The following ZBTB20 variants were observed in gnomAD, a reference collection of about 807,000 sequenced individuals.
The protein encoded by ZBTB20 is zinc finger and BTB domain containing 20, also known as zinc finger and BTB domain-containing protein 20.
Under a neutral mutation model 56.9 loss-of-function variants are expected in ZBTB20, and 9 were observed. That is an observed-to-expected ratio of 0.16 (90% confidence interval 0.10 to 0.28). The LOEUF is 0.28. Ranked by LOEUF, ZBTB20 falls within the 10% of genes least tolerant of loss-of-function variation. The probability of loss-of-function intolerance (pLI) is 1.00; values close to 1 mark genes in which losing one functional copy is unlikely to be tolerated. For missense variants in ZBTB20, 655 were observed against 1,003.0 expected (o/e 0.65, Z 4.69); for synonymous variants, 417 against 420.7 (o/e 0.99, Z 0.11).
intron 6 of ZBTB20, among the ~76,000 whole-genome samples, chr3:114,678,812 C>T (rs2061790680): frequency 1.3e-5 from 2 of 152,094 alleles, no homozygotes; most frequent in African/African-American, 4.8e-5. Context: ...CATTTCTAGT[C>T]CATCTATTAT....
At chr3:114,508,422 T>C (rs199970079) in intron 6 of ZBTB20, among the ~76,000 whole-genome samples, 3 of 152,140 alleles carry the variant, frequency 2.0e-5, no homozygotes, top group South Asian at 2.1e-4. Context: ...TTTTCTTAAA[T>C]AGAAGATGAG....
At chr3:114,792,385 T>C (rs1041464440) in intron 5 of ZBTB20, among the ~76,000 whole-genome samples, 6 of 152,168 alleles carry the variant, frequency 3.9e-5, no homozygotes, top group African/African-American at 7.2e-5. Context: ...AAGATATTTT[T>C]TAACTGCCTT....
At chr3:114,898,580 T>C (rs938549422) in intron 4 of ZBTB20, among the ~76,000 whole-genome samples, 1 of 152,072 alleles carries the variant, frequency 6.6e-6, no homozygotes, top group Non-Finnish European at 1.5e-5. Context: ...CTAATACAAC[T>C]CCAGAAATGT....
chr3:114,732,532 T>C (rs2065836485), intron 5 of ZBTB20, among the ~76,000 whole-genome samples: 2 of 152,190 alleles, frequency 1.3e-5, no homozygotes, highest in Admixed American at 1.3e-4. Context: ...GGGCTCTGCA[T>C]GGCTTTTCTA....
chr3:115,087,069 G>A (rs2083012761), intron 1 of ZBTB20, among the ~76,000 whole-genome samples: 1 of 151,738 alleles, frequency 6.6e-6, no homozygotes, highest in Non-Finnish European at 1.5e-5. Context: ...GAGGCTAACT[G>A]GGACAGTTAT....
chr3:114,808,228 ATTGCTAACAATTGTCCAG>A (rs1292131119), intron 4 of ZBTB20, among the ~76,000 whole-genome samples: 9 of 152,042 alleles, frequency 5.9e-5, no homozygotes, highest in Admixed American at 3.9e-4. Context: ...TATCCAGCTA[ATTGCTAACAATTGTCCAG>A]TTGCTAACAA....
At chr3:114,683,764 T>C (rs1218001554) in intron 6 of ZBTB20, among the ~76,000 whole-genome samples, 2 of 152,006 alleles carry the variant, frequency 1.3e-5, no homozygotes, top group East Asian at 3.9e-4. Context: ...GAAAAGGTCC[T>C]GGGGCAGAAG....
At chr3:114,667,378 T>C (rs966896360) in intron 6 of ZBTB20, among the ~76,000 whole-genome samples, 3 of 152,056 alleles carry the variant, frequency 2.0e-5, no homozygotes, top group African/African-American at 7.2e-5. Context: ...CAACTTATTC[T>C]GATATGAACC....
At chr3:114,381,334 T>G (rs2084316989) in intron 8 of ZBTB20, among the ~76,000 whole-genome samples, 1 of 152,152 alleles carries the variant, frequency 6.6e-6, no homozygotes, top group Admixed American at 6.5e-5. Flanking sequence ...AGAAAGTAAT[T>G]GTTACTAATT....
intron 2 of ZBTB20, among the ~76,000 whole-genome samples, chr3:115,066,161 T>G (rs1255102427): frequency 1.3e-5 from 2 of 152,110 alleles, no homozygotes; most frequent in Non-Finnish European, 2.9e-5. Flanking sequence ...GCAAGGTAAA[T>G]CTGTGTTTGA....
At chr3:115,104,694 T>G (rs1159462851) in intron 1 of ZBTB20, among the ~76,000 whole-genome samples, 2 of 152,158 alleles carry the variant, frequency 1.3e-5, no homozygotes, top group Non-Finnish European at 2.9e-5. Flanking sequence ...ACTCATTGTT[T>G]GCAAGAGTTT....
chr3:114,756,817 T>C (rs1173102202), intron 5 of ZBTB20, among the ~76,000 whole-genome samples: 2 of 152,162 alleles, frequency 1.3e-5, no homozygotes, highest in Admixed American at 6.6e-5. Flanking sequence ...ATTATATTCA[T>C]ATTGATATGT....
intron 3 of ZBTB20, among the ~76,000 whole-genome samples, chr3:114,916,638 C>A (rs2075756702): frequency 6.6e-6 from 1 of 152,094 alleles, no homozygotes; most frequent in Non-Finnish European, 1.5e-5. Context: ...ATTTCTCCCT[C>A]ATGTTTGAAG....
chr3:115,017,774 T>C (rs927206511), intron 2 of ZBTB20, among the ~76,000 whole-genome samples: 3 of 151,532 alleles, frequency 2.0e-5, no homozygotes, highest in Non-Finnish European at 4.4e-5. Context: ...TGTGCTGGAA[T>C]TGGAGATATA....
At chr3:115,093,507 C>T (rs968750685) in intron 1 of ZBTB20, among the ~76,000 whole-genome samples, 1 of 152,152 alleles carries the variant, frequency 6.6e-6, no homozygotes, top group Non-Finnish European at 1.5e-5. Flanking sequence ...AACCTGAATT[C>T]ATTCAGACTG....
intron 7 of ZBTB20, among the ~76,000 whole-genome samples, chr3:114,394,367 C>T (rs1425016019): frequency 6.6e-6 from 1 of 152,160 alleles, no homozygotes; most frequent in African/African-American, 2.4e-5. Context: ...TGTTCCAATG[C>T]AGCATGGACA....
intron 4 of ZBTB20, among the ~76,000 whole-genome samples, chr3:114,833,304 A>C (rs1229931118): frequency 6.6e-6 from 1 of 152,184 alleles, no homozygotes; most frequent in African/African-American, 2.4e-5. Flanking sequence ...CAAAACACTC[A>C]GAAGAAAGAG....
intron 1 of ZBTB20, among the ~76,000 whole-genome samples, chr3:115,090,410 A>C (rs910042760): frequency 6.6e-6 from 1 of 151,830 alleles, no homozygotes; most frequent in African/African-American, 2.4e-5. Context: ...TTAAATAAAC[A>C]TTACTGTCAA....
chr3:114,820,893 T>G (rs961441603), intron 4 of ZBTB20, among the ~76,000 whole-genome samples: 7 of 152,120 alleles, frequency 4.6e-5, no homozygotes, highest in African/African-American at 1.7e-4. Flanking sequence ...TGATAAAATT[T>G]ACCTACATTG....
Sources: gnomAD v4.1 joint callset for allele counts (sites outside exome capture counted in the v4.1 genomes callset) on GRCh38, gnomAD v4.1.1 for gene constraint, MANE v1.5 for transcripts, NCBI Gene and HGNC (gene_info 2026-07-23, HGNC 2026-07-21) for gene names.